Variants in PDZRN3 observed in about 807,000 individuals in gnomAD.
PDZRN3 encodes E3 ubiquitin-protein ligase PDZRN3.
PDZRN3 carries 38 observed loss-of-function variants against 85.7 expected under a neutral mutation model. The observed-to-expected ratio is 0.44, with a 90% CI of 0.34 to 0.58. PDZRN3 has a LOEUF of 0.58. Among genes scored for constraint, PDZRN3 ranks in the 20% least tolerant of loss-of-function variants. The pLI is 0.01. For synonymous variants in PDZRN3, 759 were observed against 638.0 expected (o/e 1.19, Z -2.86); for missense variants, 1,629 against 1,506.4 (o/e 1.08, Z -1.35).
At position 73,384,386 on chromosome 3, in the gene PDZRN3, C is replaced by T. The variant is rs142384269; in HGVS notation, c.2180G>A (p.Arg727His). ...CACGTCGATGCTGGTGTTGTAGTTGCGGAAGCCGCTGTTGTGCAGCATCCA... is the reference window on the plus strand; with the variant it reads ...CACGTCGATGCTGGTGTTGTAGTTGTGGAAGCCGCTGTTGTGCAGCATCCA... ...ESWMLHNSGF[R>H]NYNTSIDVRR... The change falls in exon 10 of 10, where the codon CGC (arginine) becomes CAC (histidine). Residue 727 changes from arginine to histidine, a missense_variant. Transcript: ENST00000263666. 25 of 1,609,172 alleles carry T rather than the reference C, an allele frequency of 1.6e-5. No homozygotes were observed. Among genetic ancestry groups the T allele is most frequent in the South Asian group, 7.7e-5 (7 of 91,086 alleles).
chr3:73,485,972 T>G (rs2106645579), intron 3 of PDZRN3, among the ~76,000 whole-genome samples: 1 of 152,366 alleles, frequency 6.6e-6, no homozygotes, highest in African/African-American at 2.4e-5. Context: ...TGTTTCCAAT[T>G]TCTTTAAGTG....
At chr3:73,457,321 C>A (rs183211023) in intron 3 of PDZRN3, among the ~76,000 whole-genome samples, 2 of 152,272 alleles carry the variant, frequency 1.3e-5, no homozygotes, top group African/African-American at 4.8e-5. Flanking sequence ...GATCCACGTG[C>A]CTCAGCCTTC....
intron 3 of PDZRN3, among the ~76,000 whole-genome samples, chr3:73,559,931 C>G (rs969968218): frequency 6.6e-6 from 1 of 152,214 alleles, no homozygotes; most frequent in Non-Finnish European, 1.5e-5. Flanking sequence ...TGTGAGCACC[C>G]AGTTCATTTA....
chr3:73,421,532 C>A (rs919795945), intron 3 of PDZRN3, among the ~76,000 whole-genome samples: 4 of 152,224 alleles, frequency 2.6e-5, no homozygotes, highest in African/African-American at 7.2e-5. Context: ...TGGTTCTAGA[C>A]TGTGGTAACT....
intron 3 of PDZRN3, among the ~76,000 whole-genome samples, chr3:73,598,483 C>T (rs1225071639): frequency 1.3e-5 from 2 of 152,028 alleles, no homozygotes; most frequent in Non-Finnish European, 2.9e-5. Flanking sequence ...AGGGAAGACA[C>T]AAAAAAATCA....
rs557310668 is a variant in PDZRN3, at chr3:73,608,730, T to G, written c.724-46A>C. 2.2e-5 allele frequency: 25 copies of G among 1,162,228 alleles called. 1 individual carries two copies. Among genetic ancestry groups the G allele is most frequent in the Non-Finnish European group, 2.9e-5 (23 of 788,596 alleles). The allele number at this position is 1,162,228 out of a possible 1,614,324, so 72.0% of individuals were successfully genotyped here. A position where few individuals can be genotyped will look rare whatever the true frequency, so the allele number is the denominator to read the frequency against. On this transcript the variant is annotated intron_variant, in intron 1 of 9. Transcript: ENST00000263666. ...CAAACTTTTATTTACCAACAGGGAATAGATGGTAGGAATTTTCCTTCTATC... is the reference window on the plus strand; with the variant it reads ...CAAACTTTTATTTACCAACAGGGAAGAGATGGTAGGAATTTTCCTTCTATC...
chr3:73,616,100 C>A (rs1395547110), intron 1 of PDZRN3, among the ~76,000 whole-genome samples: 10 of 152,172 alleles, frequency 6.6e-5, no homozygotes, highest in Admixed American at 1.3e-4. Flanking sequence ...TCTCTCCTCT[C>A]TCTCTCCATT....
At chr3:73,574,568 C>T (rs1269203745) in intron 3 of PDZRN3, among the ~76,000 whole-genome samples, 7 of 152,052 alleles carry the variant, frequency 4.6e-5, no homozygotes, top group Non-Finnish European at 7.4e-5. Context: ...AAGCAATTCT[C>T]TTGCCTCAGC....
In PDZRN3 at chr3:73,563,000, TA is replaced by T. The variant is rs1559739592; in HGVS notation, c.918+39353del. 1.9e-3 allele frequency among the ~76,000 whole-genome samples: 65 copies of T among 34,940 alleles called. 2 individuals carry two copies. Among genetic ancestry groups the T allele is most frequent in the African/African-American group, 7.7e-3 (64 of 8,350 alleles). The allele number at this position is 34,940 out of a possible 152,430, so 22.9% of individuals were successfully genotyped here. On this transcript the variant is annotated intron_variant, in intron 3 of 9. Coordinates refer to ENST00000263666, the MANE Select transcript of PDZRN3 (RefSeq NM_015009.3). The stretch of plus-strand genomic sequence containing the variant: ...TTGGCAAATTATATATATATATATA[TA>T]TATATATATATATTTTTTTTTTTTT...
chr3:73,584,580 C>A (rs989006535), intron 3 of PDZRN3, among the ~76,000 whole-genome samples: 1 of 151,444 alleles, frequency 6.6e-6, no homozygotes, highest in South Asian at 2.1e-4. Flanking sequence ...ATAAAACTAC[C>A]TAGTTTTTTG....
intron 3 of PDZRN3, among the ~76,000 whole-genome samples, chr3:73,563,544 C>T (rs1002093701): frequency 6.6e-5 from 10 of 152,256 alleles, no homozygotes; most frequent in Non-Finnish European, 1.2e-4. Context: ...TCTATGGCTA[C>T]TATTTTATAC....
chr3:73,389,605 T>C (rs1315335258), intron 7 of PDZRN3, among the ~76,000 whole-genome samples: 1 of 152,128 alleles, frequency 6.6e-6, no homozygotes, highest in Admixed American at 6.5e-5. Context: ...CCCCATCTAG[T>C]TTGTCCCAGT....
chr3:73,523,182 A>C (rs1240144652), intron 3 of PDZRN3, among the ~76,000 whole-genome samples: 1 of 152,136 alleles, frequency 6.6e-6, no homozygotes, highest in African/African-American at 2.4e-5. Flanking sequence ...ATGCATCACC[A>C]TGCCCAGCTA....
chr3:73,533,705 A>T (rs943929428), intron 3 of PDZRN3, among the ~76,000 whole-genome samples: 3 of 152,180 alleles, frequency 2.0e-5, no homozygotes, highest in Non-Finnish European at 2.9e-5. Context: ...AGGGTCTTAC[A>T]AGGTGTAATA....
intron 3 of PDZRN3, chr3:73,433,778 A>T: frequency 6.6e-7 from 1 of 1,524,478 alleles, no homozygotes; most frequent in Non-Finnish European, 8.8e-7. Context: ...CTTACAGTGC[A>T]GGCATTGAAG....
At chr3:73,445,123 A>C (rs1702722327) in intron 3 of PDZRN3, among the ~76,000 whole-genome samples, 1 of 152,186 alleles carries the variant, frequency 6.6e-6, no homozygotes, top group Non-Finnish European at 1.5e-5. Context: ...CAGAACTGGG[A>C]ATCTCAATTA....
intron 3 of PDZRN3, among the ~76,000 whole-genome samples, chr3:73,406,574 C>T (rs1012211137): frequency 6.6e-6 from 1 of 152,166 alleles, no homozygotes; most frequent in African/African-American, 2.4e-5. Context: ...TCACGCTGGT[C>T]TTCTGCCCTT....
intron 3 of PDZRN3, among the ~76,000 whole-genome samples, chr3:73,500,421 T>TCA (rs1185092915): frequency 1.3e-5 from 2 of 152,126 alleles, no homozygotes; most frequent in Admixed American, 6.6e-5. Flanking sequence ...TGCTTTCTGA[T>TCA]ACTCCCCTCT....
At chr3:73,581,706 A>G (rs576098790) in intron 3 of PDZRN3, among the ~76,000 whole-genome samples, 1 of 152,222 alleles carries the variant, frequency 6.6e-6, no homozygotes, top group Admixed American at 6.5e-5. Flanking sequence ...CCAGTAAGTT[A>G]TATTTGTATC....
Sources: allele counts gnomAD v4.1 joint callset (sites outside exome capture counted in the v4.1 genomes callset), GRCh38; gene constraint gnomAD v4.1.1; transcripts MANE v1.5; gene names NCBI Gene and HGNC (gene_info 2026-07-23, HGNC 2026-07-21).